DAB1: variants seen among roughly 807,000 people sequenced by gnomAD.
DAB1 encodes DAB adaptor protein 1.
In DAB1, 15 loss-of-function variants were observed where a neutral mutation model predicts 64.6. The ratio of observed to expected loss-of-function variants is 0.23; its 90% CI spans 0.16 to 0.36. The LOEUF is 0.36. DAB1 is among the 10% of genes least tolerant of loss of function. The pLI is 1.00. For missense variants in DAB1, 596 were observed against 706.7 expected (o/e 0.84, Z 1.78); for synonymous variants, 235 against 251.9 (o/e 0.93, Z 0.64).
chr1:57,148,506 TTCTA>T (rs1192566225), intron 2 of DAB1, among the ~76,000 whole-genome samples: 2 of 152,352 alleles, frequency 1.3e-5, no homozygotes, highest in South Asian at 4.1e-4. Context: ...AAGGCTTTAA[TTCTA>T]TCTGAGGCAC....
intron 5 of DAB1, among the ~76,000 whole-genome samples, chr1:58,059,025 A>C (rs1648323566): frequency 6.6e-6 from 1 of 152,144 alleles, no homozygotes; most frequent in South Asian, 2.1e-4. Context: ...CTCACAGAGG[A>C]AAGTGAGGAC....
At chr1:57,755,952 A>G (rs1402761203) in intron 6 of DAB1, among the ~76,000 whole-genome samples, 2 of 152,184 alleles carry the variant, frequency 1.3e-5, no homozygotes, top group African/African-American at 4.8e-5. Flanking sequence ...TTGTGCAATG[A>G]GGTAGGATCG....
intron 6 of DAB1, among the ~76,000 whole-genome samples, chr1:57,682,156 C>T (rs538963164): frequency 1.3e-5 from 2 of 151,706 alleles, no homozygotes; most frequent in African/African-American, 4.8e-5. Flanking sequence ...ATTCAGGAAT[C>T]AAAAGAGAAT....
chr1:57,212,405 T>A (rs12239967), intron 2 of DAB1, among the ~76,000 whole-genome samples: 15,600 of 135,478 alleles, frequency 0.12, 1,218 homozygotes, highest in Admixed American at 0.21. Context: ...TCTCACTCCA[T>A]TGCCCAGGCT....
intron 1 of DAB1, chr1:58,527,444 T>C (rs1239093752): frequency 1.5e-6 from 1 of 660,220 alleles, no homozygotes; most frequent in East Asian, 2.7e-5. Context: ...TAGGATAAAA[T>C]TCCTATACTG....
intron 5 of DAB1, among the ~76,000 whole-genome samples, chr1:58,076,394 A>G (rs1463443510): frequency 6.6e-6 from 1 of 152,170 alleles, no homozygotes; most frequent in Non-Finnish European, 1.5e-5. Flanking sequence ...TGCCTCTTAT[A>G]TAATAATTGG....
intron 1 of DAB1, among the ~76,000 whole-genome samples, chr1:57,401,454 C>A (rs1417339301): frequency 2.0e-5 from 3 of 152,146 alleles, no homozygotes; most frequent in African/African-American, 4.8e-5. Flanking sequence ...CATACAAACA[C>A]CCACTCTGAT....
intron 6 of DAB1, among the ~76,000 whole-genome samples, chr1:57,734,586 T>A (rs192981807): frequency 6.6e-6 from 1 of 152,348 alleles, no homozygotes; most frequent in African/African-American, 2.4e-5. Context: ...AATACCTTTT[T>A]TACCTTTGAA....
chr1:57,274,943 T>C (rs775033624), intron 2 of DAB1, among the ~76,000 whole-genome samples: 22 of 152,036 alleles, frequency 1.4e-4, no homozygotes, highest in Non-Finnish European at 2.6e-4. Context: ...AAAATTGTCT[T>C]ATGCAAGTTT....
At chr1:57,693,493 G>T (rs1646788516) in intron 6 of DAB1, among the ~76,000 whole-genome samples, 1 of 148,754 alleles carries the variant, frequency 6.7e-6, no homozygotes, top group Non-Finnish European at 1.5e-5. Flanking sequence ...CTGTAAAATG[G>T]ACCAATCAGC....
intron 1 of DAB1, among the ~76,000 whole-genome samples, chr1:57,380,369 C>T (rs958512071): frequency 3.3e-5 from 5 of 152,120 alleles, no homozygotes; most frequent in Admixed American, 1.3e-4. Context: ...TTAACTTAAT[C>T]TCTTCTGTTA....
chr1:57,264,537 G>A (rs146338173), intron 2 of DAB1, among the ~76,000 whole-genome samples: 22 of 152,238 alleles, frequency 1.4e-4, no homozygotes, highest in East Asian at 1.2e-3. Flanking sequence ...TTGATCTCAC[G>A]GCAATCCTGC....
At chr1:57,614,143 T>G (rs1645761413) in intron 7 of DAB1, among the ~76,000 whole-genome samples, 1 of 152,198 alleles carries the variant, frequency 6.6e-6, no homozygotes, top group South Asian at 2.1e-4. Context: ...GGAGTGACCA[T>G]GTGGAAATGA....
At chr1:57,177,455 T>C (rs1184826072) in intron 2 of DAB1, among the ~76,000 whole-genome samples, 1 of 152,154 alleles carries the variant, frequency 6.6e-6, no homozygotes, top group Non-Finnish European at 1.5e-5. Context: ...AAAGATGTTT[T>C]TCCTCCCCTA....
chr1:57,692,469 G>A (rs1327039145), intron 6 of DAB1, among the ~76,000 whole-genome samples: 9 of 151,854 alleles, frequency 5.9e-5, no homozygotes, highest in African/African-American at 2.2e-4. Context: ...GGACAAAGAA[G>A]GAGTCAAAGA....
At chr1:58,432,804 C>T (rs142080184) in intron 3 of DAB1, among the ~76,000 whole-genome samples, 2 of 152,262 alleles carry the variant, frequency 1.3e-5, no homozygotes, top group East Asian at 1.9e-4. Flanking sequence ...CTAAATCATC[C>T]CTCCCCACTC....
chr1:58,275,314 G>C (rs1661416091), intron 4 of DAB1, among the ~76,000 whole-genome samples: 1 of 152,038 alleles, frequency 6.6e-6, no homozygotes, highest in South Asian at 2.1e-4. Flanking sequence ...AACAATAAAG[G>C]TAAAAACAGG....
At chr1:58,365,275 T>C (rs1644206258) in intron 3 of DAB1, among the ~76,000 whole-genome samples, 1 of 152,114 alleles carries the variant, frequency 6.6e-6, no homozygotes, top group Non-Finnish European at 1.5e-5. Context: ...GTTTCCAAGA[T>C]AAAAACCAAA....
intron 2 of DAB1, among the ~76,000 whole-genome samples, chr1:57,211,424 A>G (rs975966984): frequency 6.6e-6 from 1 of 152,144 alleles, no homozygotes; most frequent in African/African-American, 2.4e-5. Flanking sequence ...TTCTCATTCT[A>G]TCACAGGTAT....
Sources: allele counts gnomAD v4.1 joint callset (sites outside exome capture counted in the v4.1 genomes callset), GRCh38; gene constraint gnomAD v4.1.1; transcripts MANE v1.5; gene names NCBI Gene and HGNC (gene_info 2026-07-23, HGNC 2026-07-21).